Variants in PRRX1 observed in about 807,000 individuals in gnomAD.
PRRX1 encodes the protein paired mesoderm homeobox protein 1.
A neutral mutation model predicts 24.0 loss-of-function variants in PRRX1; 8 were observed. The observed-to-expected ratio is 0.33, with a 90% CI of 0.20 to 0.60. The LOEUF (loss-of-function observed/expected upper bound fraction) is 0.60. PRRX1 is among the 20% of genes least tolerant of loss of function. The pLI is 0.82. For missense variants in PRRX1, 281 were observed against 322.4 expected (o/e 0.87, Z 0.98); for synonymous variants, 160 against 131.7 (o/e 1.22, Z -1.47).
chr1:170,695,528 G>A (rs58668918), intron 1 of PRRX1, among the ~76,000 whole-genome samples: 1 of 152,150 alleles, frequency 6.6e-6, no homozygotes, highest in African/African-American at 2.4e-5. Context: ...CTCTGCTGGG[G>A]ATGTGTGGGA....
At chr1:170,667,777 C>G (rs566140168) in intron 1 of PRRX1, 2 of 152,302 alleles carry the variant, frequency 1.3e-5, no homozygotes, top group Non-Finnish European at 2.9e-5. Flanking sequence ...TAAAAAGAAG[C>G]CTTTGGCTCT....
At chr1:170,682,301 T>G (rs185726598) in intron 1 of PRRX1, among the ~76,000 whole-genome samples, 1 of 141,492 alleles carries the variant, frequency 7.1e-6, no homozygotes, top group Non-Finnish European at 1.5e-5. Flanking sequence ...TGTGCTCCCA[T>G]GTTCTCAGTC....
chr1:170,666,417 CAAA>C (rs35075394), intron 1 of PRRX1, among the ~76,000 whole-genome samples: 1,758 of 75,916 alleles, frequency 0.023, 31 homozygotes, highest in African/African-American at 0.078. Flanking sequence ...GACTCCGTCT[CAAA>C]AAAAAAAAAA....
chr1:170,667,966 A>T (rs1002130938), intron 1 of PRRX1: 20 of 152,160 alleles, frequency 1.3e-4, no homozygotes, highest in Admixed American at 6.5e-5. Flanking sequence ...GGCTTCTCCC[A>T]GACCCTCCCC....
intron 1 of PRRX1, among the ~76,000 whole-genome samples, chr1:170,717,299 A>G (rs1375639666): frequency 6.6e-6 from 1 of 152,222 alleles, no homozygotes; most frequent in Admixed American, 6.5e-5. Flanking sequence ...GTAGACAGTC[A>G]GTGGAATTTG....
At chr1:170,713,414 GTTAAAGCGC>G (rs147044788) in intron 1 of PRRX1, among the ~76,000 whole-genome samples, 1 of 152,340 alleles carries the variant, frequency 6.6e-6, no homozygotes, top group African/African-American at 2.4e-5. Flanking sequence ...TCTTAAGAGA[GTTAAAGCGC>G]TTAAGGTGAT....
chr1:170,713,423 C>T (rs1558057862), intron 1 of PRRX1, among the ~76,000 whole-genome samples: 1 of 152,140 alleles, frequency 6.6e-6, no homozygotes, highest in Non-Finnish European at 1.5e-5. Context: ...AGTTAAAGCG[C>T]TTAAGGTGAT....
chr1:170,696,230 G>T (rs565174438), intron 1 of PRRX1, among the ~76,000 whole-genome samples: 1 of 151,576 alleles, frequency 6.6e-6, no homozygotes, highest in African/African-American at 2.4e-5. Flanking sequence ...TAAACCCTGT[G>T]GGTGTTATCC....
chr1:170,671,592 G>A (rs1411730754), intron 1 of PRRX1, among the ~76,000 whole-genome samples: 1 of 152,256 alleles, frequency 6.6e-6, no homozygotes, highest in Non-Finnish European at 1.5e-5. Context: ...CTGGGTTCCT[G>A]CAGGACAGAC....
chr1:170,726,910 G>C (rs897535639), intron 3 of PRRX1: 2 of 154,622 alleles, frequency 1.3e-5, no homozygotes, highest in East Asian at 3.8e-4. Flanking sequence ...GAAGGAGAGA[G>C]ACGAGAGGGA....
rs191201793 is a variant in PRRX1, at chr1:170,684,131, T to G, written c.241+19672T>G. The stretch of plus-strand genomic sequence containing the variant: ...AGCATGATTTTAACATATCTGCTCC[T>G]GGGGTCATAGATCCTGTTCCTCCTC... On this transcript the variant is annotated intron_variant, in intron 1 of 3. Coordinates refer to ENST00000239461, the MANE Select transcript of PRRX1 (RefSeq NM_022716.4). 4.6e-4 allele frequency among the ~76,000 whole-genome samples: 70 copies of G among 152,342 alleles called. 1 individual carries two copies. The highest frequency in any genetic ancestry group is 7.4e-5 in the Non-Finnish European group (5 of 68,024).
At chr1:170,682,664 A>T (rs968198465) in intron 1 of PRRX1, among the ~76,000 whole-genome samples, 20 of 152,084 alleles carry the variant, frequency 1.3e-4, no homozygotes, top group Non-Finnish European at 2.9e-5. Flanking sequence ...ACTATGTGCC[A>T]GTCATTATGC....
At chr1:170,731,294 G>A (rs914122145) in intron 3 of PRRX1, among the ~76,000 whole-genome samples, 21 of 151,952 alleles carry the variant, frequency 1.4e-4, no homozygotes, top group African/African-American at 4.6e-4. Context: ...CTTGAACACC[G>A]TAACCCCTAC....
At chr1:170,679,802 G>A (rs967944067) in intron 1 of PRRX1, among the ~76,000 whole-genome samples, 8 of 152,166 alleles carry the variant, frequency 5.3e-5, no homozygotes, top group African/African-American at 1.7e-4. Flanking sequence ...TTACCCCATG[G>A]ATGATGTTTG....
chr1:170,731,574 C>T (rs543576448), intron 3 of PRRX1, among the ~76,000 whole-genome samples: 2 of 152,260 alleles, frequency 1.3e-5, no homozygotes, highest in East Asian at 1.9e-4. Context: ...GCTTTAAAAT[C>T]GTAGTACGAA....
chr1:170,707,410 A>T lies in PRRX1; in HGVS notation c.242-12316A>T, dbSNP rs573366241. Among the ~76,000 whole-genome samples the T allele has an allele frequency of 1.2e-4, 17 of 146,292 alleles. No individual in the cohort carries two copies. In the East Asian group the frequency reaches 2.2e-3, roughly 19 times the overall value. ...CTTTTAACTCTCTTGTTGGCCAGAT[A>T]AAAAAAAAAATTAAAATGTAGCTTA... is the stretch of plus-strand genomic sequence containing the variant. On this transcript the variant is annotated intron_variant, in intron 1 of 3. Coordinates refer to ENST00000239461, the MANE Select transcript of PRRX1 (RefSeq NM_022716.4).
At chr1:170,668,222 G>A (rs893713877) in intron 1 of PRRX1, 2 of 152,250 alleles carry the variant, frequency 1.3e-5, no homozygotes, top group African/African-American at 4.8e-5. Flanking sequence ...GGTAATCAGG[G>A]AGAGGAAAGA....
At chr1:170,686,668 GAACA>G (rs1032667632) in intron 1 of PRRX1, among the ~76,000 whole-genome samples, 66 of 152,256 alleles carry the variant, frequency 4.3e-4, no homozygotes, top group African/African-American at 1.5e-3. Context: ...GATATTTCCA[GAACA>G]AACAGAGTCA....
chr1:170,724,151 T>C (rs1571346617), intron 2 of PRRX1, among the ~76,000 whole-genome samples: 3 of 152,214 alleles, frequency 2.0e-5, no homozygotes, highest in African/African-American at 4.8e-5. Context: ...TTTTTTCTTA[T>C]AAATTTGTTT....
Sources: gnomAD v4.1 joint callset for allele counts (sites outside exome capture counted in the v4.1 genomes callset) on GRCh38, gnomAD v4.1.1 for gene constraint, MANE v1.5 for transcripts, NCBI Gene and HGNC (gene_info 2026-07-23, HGNC 2026-07-21) for gene names.